SERPINE2: variants seen among roughly 807,000 people sequenced by gnomAD.
SERPINE2 encodes the protein serpin family E member 2, also known as glia-derived nexin.
Under a neutral mutation model 36.3 loss-of-function variants are expected in SERPINE2, and 14 were observed. The observed-to-expected ratio is 0.39, with a 90% confidence interval of 0.25 to 0.60. The LOEUF (loss-of-function observed/expected upper bound fraction) is 0.60. Among genes scored for constraint, SERPINE2 ranks in the 20% least tolerant of loss-of-function variants. SERPINE2 has a pLI of 0.57. For synonymous variants in SERPINE2, 192 were observed against 191.8 expected (o/e 1.00, Z -0.01); for missense variants, 418 against 499.6 (o/e 0.84, Z 1.56).
chr2:224,009,653 CT>C (rs1691555755), intron 1 of SERPINE2, among the ~76,000 whole-genome samples: 1 of 151,884 alleles, frequency 6.6e-6, no homozygotes, highest in South Asian at 2.1e-4. Context: ...CGAGATTGTG[CT>C]ACTGCACTCC....
At position 224,009,072 on chromosome 2, in the gene SERPINE2, G is replaced by A. The variant is rs114493294; in HGVS notation, c.-22-7150C>T. 5.2e-3 allele frequency among the ~76,000 whole-genome samples: 799 copies of A among 152,264 alleles called. 7 individuals carry two copies. Among genetic ancestry groups the A allele is most frequent in the African/African-American group, 0.014 (574 of 41,536 alleles). ...TGGATTGCCCTCGTGTGACAGCAGC[G>A]AGCCTCCTGAATCAAGCCCAGCCTA... is the stretch of plus-strand genomic sequence containing the variant. On this transcript the variant is annotated intron_variant, in intron 1 of 8. Coordinates refer to ENST00000409304, the MANE Select transcript of SERPINE2 (RefSeq NM_001136528.2).
At chr2:224,034,841 G>A (rs1692483338) in intron 1 of SERPINE2, among the ~76,000 whole-genome samples, 1 of 152,174 alleles carries the variant, frequency 6.6e-6, no homozygotes, top group African/African-American at 2.4e-5. Flanking sequence ...GAAATGCTTT[G>A]TAAACAGCAG....
At chr2:224,022,245 T>C (rs1310229194) in intron 1 of SERPINE2, among the ~76,000 whole-genome samples, 1 of 141,656 alleles carries the variant, frequency 7.1e-6, no homozygotes, top group Non-Finnish European at 1.5e-5. Flanking sequence ...GGTGGGAGAA[T>C]CACTTGAACC....
chr2:224,035,806 C>G (rs1056573125), intron 1 of SERPINE2, among the ~76,000 whole-genome samples: 16 of 152,204 alleles, frequency 1.1e-4, no homozygotes, highest in Non-Finnish European at 2.2e-4. Context: ...GCACACCGGC[C>G]ACCATTTTGC....
At chr2:224,030,072 C>A in intron 1 of SERPINE2, 1 of 985,432 alleles carries the variant, frequency 1.0e-6, no homozygotes. Context: ...ACAGGGCTAC[C>A]TGCAACGTGT....
intron 6 of SERPINE2, chr2:223,981,840 T>C (rs1224808263): frequency 6.6e-6 from 1 of 152,230 alleles, no homozygotes; most frequent in East Asian, 1.9e-4. Flanking sequence ...TTTGAATTTA[T>C]ATCGTTTCAT....
chr2:223,990,100 G>A (rs1690602823), intron 4 of SERPINE2, among the ~76,000 whole-genome samples: 1 of 152,100 alleles, frequency 6.6e-6, no homozygotes, highest in African/African-American at 2.4e-5. Flanking sequence ...GGGGGGGCTT[G>A]GGAAGTTAGT....
At chr2:223,989,667 G>A (rs368057385) in intron 4 of SERPINE2, among the ~76,000 whole-genome samples, 4 of 152,260 alleles carry the variant, frequency 2.6e-5, no homozygotes, top group East Asian at 3.9e-4. Context: ...GAACAGAGTC[G>A]CATCCAGTTC....
intron 1 of SERPINE2, among the ~76,000 whole-genome samples, chr2:224,016,461 G>A (rs1379980701): frequency 6.7e-6 from 1 of 150,310 alleles, no homozygotes; most frequent in Non-Finnish European, 1.5e-5. Flanking sequence ...AGCCGAGGTT[G>A]TGCTATTGCA....
Position 223,975,908 on chromosome 2 carries a change from C to T in SERPINE2, c.1157-4G>A. The stretch of plus-strand genomic sequence containing the variant: ...TGCCCCATGAATAACACAGCACCTA[C>T]AGAATTAAAAGAAAACAATGCATGA... On this transcript the variant is annotated splice_polypyrimidine_tract_variant and splice_region_variant and intron_variant, in intron 8 of 8. Coordinates refer to ENST00000409304, the MANE Select transcript of SERPINE2 (RefSeq NM_001136528.2). 6.3e-7 allele frequency: 1 copy of T among 1,594,218 alleles called. No individual in the cohort carries two copies. Among genetic ancestry groups the T allele is most frequent in the South Asian group, 1.1e-5 (1 of 87,536 alleles).
rs755518142 is a variant in SERPINE2, at chr2:223,998,304, C to T, written c.298G>A (p.Val100Ile). Residue 100 changes from valine (V) to isoleucine (I), a missense_variant, in exon 3 of 9, where the codon GTC becomes ATC. Physicochemically the swap from Val to Ile is conservative, Grantham distance 29. Coordinates refer to ENST00000409304, the MANE Select transcript of SERPINE2 (RefSeq NM_001136528.2). ...KILKKINKAIVSKKNKDIVTV... is the reference protein window; with the variant it reads ...KILKKINKAIISKKNKDIVTV... The stretch of plus-strand genomic sequence containing the variant: ...ACAATGTCTTTATTCTTCTTGGAGA[C>T]GATGGCCTTGTTGATCTTCTTTAAT... 4.6e-5 allele frequency: 75 copies of T among 1,613,924 alleles called. No homozygotes were observed. Among genetic ancestry groups the T allele is most frequent in the Non-Finnish European group, 5.6e-5 (66 of 1,179,888 alleles).
intron 1 of SERPINE2, among the ~76,000 whole-genome samples, chr2:224,035,709 A>G (rs1574855891): frequency 1.3e-5 from 2 of 152,186 alleles, no homozygotes; most frequent in Admixed American, 6.5e-5. Flanking sequence ...CTATACATCC[A>G]AGTGGCATCT....
rs954130121 is a variant in SERPINE2 at position 224,031,102 on chromosome 2, G to A, written c.-23+7997C>T. On this transcript the variant is annotated intron_variant, in intron 1 of 8. Coordinates refer to ENST00000409304, the MANE Select transcript of SERPINE2 (RefSeq NM_001136528.2). ...TTGACACAAATTTCTTCTCAAGAAG[G>A]TATAAACATTGATGGGATGTAAATC... is the stretch of plus-strand genomic sequence containing the variant. The A allele has an allele frequency of 1.4e-5, 14 of 985,302 alleles. No homozygotes were observed. In the African/African-American group the frequency reaches 2.3e-4, roughly 16 times the overall value. The allele number at this position is 985,302 out of a possible 1,614,324, so 61.0% of individuals were successfully genotyped here.
At chr2:224,004,947 G>GT (rs1260496647) in intron 1 of SERPINE2, among the ~76,000 whole-genome samples, 1 of 146,886 alleles carries the variant, frequency 6.8e-6, no homozygotes, top group Non-Finnish European at 1.5e-5. Flanking sequence ...CATTAAACTG[G>GT]TTTTGCCTCT....
Position 223,998,263 on chromosome 2 carries a change from G to A in SERPINE2, c.339C>T (p.Ala113=), listed in dbSNP as rs757528320. ...TTTCAGAGGCATTCTTAACAAACACGGCGTTAGCCACTGTCACAATGTCTT... is the reference window on the plus strand; with the variant it reads ...TTTCAGAGGCATTCTTAACAAACACAGCGTTAGCCACTGTCACAATGTCTT... ...KNKDIVTVAN[A]VFVKNASEIE... The change falls in exon 3 of 9, where the codon GCC becomes GCT. Residue 113 remains alanine (A), a synonymous_variant. Transcript: ENST00000409304. The A allele has an allele frequency of 1.2e-5, 20 of 1,614,008 alleles. No individual in the cohort carries two copies. The highest frequency in any genetic ancestry group is 3.3e-4 in the Middle Eastern group (2 of 6,084).
chr2:224,028,575 G>A (rs909333852), intron 1 of SERPINE2, among the ~76,000 whole-genome samples: 3 of 152,080 alleles, frequency 2.0e-5, no homozygotes, highest in Non-Finnish European at 2.9e-5. Flanking sequence ...ACACAGACCC[G>A]GAGTCTATAT....
In SERPINE2 at chr2:223,998,232, C is replaced by G. The variant is rs1259982474; in HGVS notation, c.370G>C (p.Val124Leu). Residue 124 changes from valine to leucine, a missense_variant, in exon 3 of 9, where the codon GTG (valine) becomes CTG (leucine). Coordinates refer to ENST00000409304, the MANE Select transcript of SERPINE2 (RefSeq NM_001136528.2). ...TCTTTGTTCCTTGTAACAAAAGGCACTTCAATTTCAGAGGCATTCTTAACA... is the reference window on the plus strand; with the variant it reads ...TCTTTGTTCCTTGTAACAAAAGGCAGTTCAATTTCAGAGGCATTCTTAACA... Reference protein sequence around the residue: ...VFVKNASEIEVPFVTRNKDVF... With the variant: ...VFVKNASEIELPFVTRNKDVF... 1 of 1,614,190 alleles carries G rather than the reference C, an allele frequency of 6.2e-7. No individual in the cohort carries two copies. Among genetic ancestry groups the G allele is most frequent in the East Asian group, 2.2e-5 (1 of 44,888 alleles).
chr2:224,022,158 C>CAA (rs71058977), intron 1 of SERPINE2, among the ~76,000 whole-genome samples: 25,622 of 71,462 alleles, frequency 0.36, 5,381 homozygotes, highest in Non-Finnish European at 0.47. Context: ...GACTCCTTCT[C>CAA]AAAAAAAAAA....
intron 1 of SERPINE2, among the ~76,000 whole-genome samples, chr2:224,006,066 C>A (rs948650717): frequency 1.3e-5 from 2 of 152,178 alleles, no homozygotes; most frequent in African/African-American, 4.8e-5. Flanking sequence ...GGTAGTTTTG[C>A]AAATGCCAGA....
Sources: allele counts gnomAD v4.1 joint callset (sites outside exome capture counted in the v4.1 genomes callset), GRCh38; gene constraint gnomAD v4.1.1; transcripts MANE v1.5; gene names NCBI Gene and HGNC (gene_info 2026-07-23, HGNC 2026-07-21).